The following COMT variants were observed in gnomAD, a reference collection of about 807,000 sequenced individuals.
COMT encodes the protein catechol-O-methyltransferase, also known as catechol O-methyltransferase.
Under a neutral mutation model 18.9 loss-of-function variants are expected in COMT, and 13 were observed. The ratio of observed to expected loss-of-function variants is 0.69; its 90% CI spans 0.45 to 1.09. COMT has a LOEUF of 1.09. Ranked by LOEUF, COMT falls within the 50% of genes least tolerant of loss-of-function variation. The pLI, the probability that COMT is intolerant of heterozygous loss-of-function variation, is 0.00. For missense variants in COMT, 329 were observed against 361.8 expected (o/e 0.91, Z 0.73); for synonymous variants, 150 against 160.9 (o/e 0.93, Z 0.51).
intron 1 of COMT, among the ~76,000 whole-genome samples, chr22:19,956,137 C>CCT (rs1569129365): frequency 1.3e-4 from 11 of 84,824 alleles, no homozygotes; most frequent in South Asian, 4.3e-4. Context: ...TTCTTTTTTT[C>CCT]TTTTTTTTTT....
intron 1 of COMT, among the ~76,000 whole-genome samples, chr22:19,945,549 A>T (rs1941822705): frequency 6.6e-6 from 1 of 150,502 alleles, no homozygotes; most frequent in Non-Finnish European, 1.5e-5. Context: ...ATAGTTTCTG[A>T]TTTTTGGAGG....
intron 2 of COMT, 185 bp from the exon 3 acceptor site, chr22:19,962,342 A>T: frequency 9.8e-7 from 1 of 1,020,022 alleles, no homozygotes; most frequent in Non-Finnish European, 1.4e-6. Context: ...CGAGGGCACC[A>T]GAGGGCACGA....
chr22:19,962,371 G>A (rs949277573), intron 2 of COMT, 156 bp from the exon 3 acceptor site: 80 of 1,357,486 alleles, frequency 5.9e-5, no homozygotes, highest in African/African-American at 2.9e-4. Flanking sequence ...GCTCCCTGGC[G>A]CTGACACGTC....
At chr22:19,963,416 C>A in intron 3 of COMT, 150 bp from the exon 4 acceptor site, 2 of 845,050 alleles carry the variant, frequency 2.4e-6, no homozygotes, top group Non-Finnish European at 3.7e-6. Flanking sequence ...ACCCCTCCAG[C>A]GGGTAGGGAG....
At chr22:19,944,600 G>A (rs978678064) in intron 1 of COMT, among the ~76,000 whole-genome samples, 3 of 151,942 alleles carry the variant, frequency 2.0e-5, no homozygotes. Context: ...CGAGGCGGGT[G>A]GATCACGAGG....
chr22:19,963,839 C>T (rs1942266616), intron 4 of COMT, 80 bp downstream of exon 4: 4 of 1,488,452 alleles, frequency 2.7e-6, no homozygotes, highest in Non-Finnish European at 3.6e-6. Flanking sequence ...TTGTCCTCCC[C>T]ACCAGGTGTT....
At chr22:19,957,814 G>T (rs561731053) in intron 1 of COMT, among the ~76,000 whole-genome samples, 1 of 152,388 alleles carries the variant, frequency 6.6e-6, no homozygotes, top group South Asian at 2.1e-4. Context: ...GCGAGCCGAT[G>T]GCCAGGCAGC....
In COMT at chr22:19,962,786, A is replaced by T; in HGVS notation, c.260A>T (p.Glu87Val). Residue 87 changes from glutamate to valine, a missense_variant, in exon 3 of 6, where the codon GAG becomes GTG. Physicochemically the swap from Glu to Val is moderately radical, Grantham distance 121. Transcript: ENST00000361682. ...EAIDTYCEQKEWAMNVGDKKG... is the reference protein window; with the variant it reads ...EAIDTYCEQKVWAMNVGDKKG... Reference sequence around the variant, plus strand: ...ATTGACACCTACTGCGAGCAGAAGGAGTGGGCCATGAACGTGGGCGACAAG... The same window carrying T: ...ATTGACACCTACTGCGAGCAGAAGGTGTGGGCCATGAACGTGGGCGACAAG... The T allele has an allele frequency of 6.2e-7, 1 of 1,607,856 alleles. No individual in the cohort carries two copies. The highest frequency in any genetic ancestry group is 8.5e-7 in the Non-Finnish European group (1 of 1,174,952).
chr22:19,952,382 G>A (rs1406401045), intron 1 of COMT, among the ~76,000 whole-genome samples: 1 of 152,134 alleles, frequency 6.6e-6, no homozygotes, highest in Non-Finnish European at 1.5e-5. Flanking sequence ...GCTCATGCCT[G>A]TAATCCCAGC....
Position 19,966,924 on chromosome 22 carries a change from T to A in COMT, c.616-1612T>A, listed in dbSNP as rs1458070982. The A allele has an allele frequency of 3.0e-6, 3 of 984,934 alleles. No individual in the cohort carries two copies. The African/African-American group carries it at 5.2e-5, about 17-fold the overall frequency. The allele number at this position is 984,934 out of a possible 1,614,324, so 61.0% of individuals were successfully genotyped here. ...AGTGTCACCTGCTCCTCTGACACTG[T>A]CGCTTCTCCACGGCATTAGATTTTC... On this transcript the variant is annotated intron_variant, in intron 5 of 5. Coordinates refer to ENST00000361682, the MANE Select transcript of COMT (RefSeq NM_000754.4).
intron 3 of COMT, 62 bp from the exon 4 acceptor site, chr22:19,963,504 G>A: frequency 1.3e-6 from 2 of 1,583,274 alleles, no homozygotes; most frequent in Non-Finnish European, 1.7e-6. Flanking sequence ...GCCGTGCCTG[G>A]GGATCCAAGT....
intron 1 of COMT, among the ~76,000 whole-genome samples, chr22:19,946,827 T>C (rs1219961272): frequency 2.0e-5 from 3 of 151,732 alleles, no homozygotes; most frequent in Admixed American, 2.0e-4. Context: ...CTTTATACAA[T>C]ATCTGGAATC....
At chr22:19,948,941 C>A (rs372825934) in intron 1 of COMT, among the ~76,000 whole-genome samples, 58 of 115,978 alleles carry the variant, frequency 5.0e-4, no homozygotes, top group African/African-American at 1.9e-3. Context: ...GGTAACAGAG[C>A]GAGACTCTGT....
In COMT at chr22:19,968,922, T is replaced by C; in HGVS notation, c.*186T>C. 3.3e-6 allele frequency: 2 copies of C among 607,210 alleles called. No homozygotes were observed. The highest frequency in any genetic ancestry group is 5.9e-6 in the Non-Finnish European group (2 of 338,518). The allele number at this position is 607,210 out of a possible 1,614,324, so 37.6% of individuals were successfully genotyped here. A position where few individuals can be genotyped will look rare whatever the true frequency, so the allele number is the denominator to read the frequency against. On this transcript the variant is annotated 3_prime_UTR_variant, in exon 6 of 6. Coordinates refer to ENST00000361682, the MANE Select transcript of COMT (RefSeq NM_000754.4). ...ACACTGGATTGTTCTTTTTTAAGACTCAATCATGACTTCTTTACTAACACT... is the reference window on the plus strand; with the variant it reads ...ACACTGGATTGTTCTTTTTTAAGACCCAATCATGACTTCTTTACTAACACT...
intron 1 of COMT, among the ~76,000 whole-genome samples, chr22:19,955,698 CTG>C (rs1331439205): frequency 6.6e-6 from 1 of 152,256 alleles, no homozygotes; most frequent in African/African-American, 2.4e-5. Flanking sequence ...GCCACCAGCC[CTG>C]TGAGGGCAGG....
intron 5 of COMT, chr22:19,964,687 G>A (rs995591309): frequency 1.2e-5 from 7 of 561,528 alleles, no homozygotes; most frequent in South Asian, 4.2e-5. Flanking sequence ...GCCACTGCTC[G>A]TGCAAAGAAA....
At chr22:19,950,126 A>T (rs35777291) in intron 1 of COMT, among the ~76,000 whole-genome samples, 3,321 of 152,100 alleles carry the variant, frequency 0.022, 129 homozygotes, top group African/African-American at 0.075. Flanking sequence ...AAGCTTTTTT[A>T]GGCCAATATA....
chr22:19,959,543 TG>T (rs1341087716), intron 1 of COMT, among the ~76,000 whole-genome samples: 1 of 145,058 alleles, frequency 6.9e-6, no homozygotes, highest in East Asian at 2.3e-4. Context: ...CCTACGGGGC[TG>T]GGGCGGGGCG....
At chr22:19,966,449 A>G (rs964704336) in intron 5 of COMT, among the ~76,000 whole-genome samples, 3 of 151,368 alleles carry the variant, frequency 2.0e-5, no homozygotes, top group Non-Finnish European at 2.9e-5. Context: ...AAAAAAAAAA[A>G]AAAAAAGAAA....
Sources: gnomAD v4.1 joint callset for allele counts (sites outside exome capture counted in the v4.1 genomes callset) on GRCh38, gnomAD v4.1.1 for gene constraint, MANE v1.5 for transcripts, NCBI Gene and HGNC (gene_info 2026-07-23, HGNC 2026-07-21) for gene names.